Variants in KIAA1210 observed in about 807,000 individuals in gnomAD.
KIAA1210 encodes KIAA1210, also known as acrosomal protein KIAA1210.
KIAA1210 carries 48 observed loss-of-function variants against 78.9 expected under a neutral mutation model. The observed-to-expected ratio is 0.61, with a 90% CI of 0.48 to 0.77. KIAA1210 has a LOEUF of 0.77. Ranked by LOEUF, KIAA1210 falls within the 30% of genes least tolerant of loss-of-function variation. The pLI, the probability that KIAA1210 is intolerant of heterozygous loss-of-function variation, is 0.00. For missense variants in KIAA1210, 1,108 were observed against 1,100.0 expected (o/e 1.01, Z -0.10); for synonymous variants, 406 against 404.5 (o/e 1.00, Z -0.04).
chrX:119,149,835 C>T (rs1456588007), intron 1 of KIAA1210, among the ~76,000 whole-genome samples: 1 of 111,013 alleles, frequency 9.0e-6, no homozygotes, highest in Non-Finnish European at 1.9e-5. Context: ...TTCTTCTCTA[C>T]TCATCCATGT....
chrX:119,140,823 C>T (rs1929032506), intron 2 of KIAA1210, among the ~76,000 whole-genome samples: 1 of 112,208 alleles, frequency 8.9e-6, no homozygotes, highest in African/African-American at 3.2e-5. Flanking sequence ...GCCTGTAGTC[C>T]CAGCTACTGG....
chrX:119,111,236 C>T (rs1356724211), intron 3 of KIAA1210, among the ~76,000 whole-genome samples: 2 of 111,725 alleles, frequency 1.8e-5, no homozygotes. Context: ...TGGGTATCCA[C>T]ATGCAAAAGA....
chrX:119,141,318 A>T (rs1929045628), intron 2 of KIAA1210, among the ~76,000 whole-genome samples: 1 of 111,830 alleles, frequency 8.9e-6, no homozygotes, highest in Non-Finnish European at 1.9e-5. Flanking sequence ...AGAAATAAAG[A>T]CCTTGTTAAT....
intron 2 of KIAA1210, among the ~76,000 whole-genome samples, chrX:119,145,676 A>G (rs1050284770): frequency 2.7e-5 from 3 of 111,573 alleles, no homozygotes; most frequent in African/African-American, 9.8e-5. Context: ...AGGCAGTACT[A>G]TATATGCATT....
intron 2 of KIAA1210, among the ~76,000 whole-genome samples, chrX:119,141,174 T>G (rs1170307455): frequency 3.6e-5 from 4 of 111,283 alleles, no homozygotes; most frequent in Non-Finnish European, 7.5e-5. Context: ...CTTACTTCAC[T>G]CTCCATTTTC....
upstream of KIAA1210, among the ~76,000 whole-genome samples, chrX:119,150,798 C>T (rs776388964): frequency 1.1e-4 from 12 of 112,836 alleles, no homozygotes; most frequent in African/African-American, 3.8e-4. Flanking sequence ...CGCCCACCCC[C>T]GGGTCATTCC....
chrX:119,116,978 A>G (rs1045992857), intron 2 of KIAA1210, among the ~76,000 whole-genome samples: 1 of 112,268 alleles, frequency 8.9e-6, no homozygotes, highest in African/African-American at 3.2e-5. Context: ...CTATTAACAT[A>G]TACACCTCTT....
rs780842704 is a variant in KIAA1210 at position 119,089,417 on chromosome X, T to C, written c.1285A>G (p.Thr429Ala). Reference protein sequence around the residue: ...EQPTTSQPETTTPQGLLSDKD... With the variant: ...EQPTTSQPETATPQGLLSDKD... The stretch of plus-strand genomic sequence containing the variant: ...TCTGAAAGCAACCCCTGAGGGGTAG[T>C]GGTTTCTGGTTGTGAAGTTGTAGGC... The change falls in exon 9 of 12, where the codon ACT becomes GCT. Residue 429 changes from threonine (T) to alanine (A), a missense_variant. By Grantham distance (58) the Thr-to-Ala change is moderately conservative (BLOSUM62 0). Coordinates refer to ENST00000691062, the MANE Select transcript of KIAA1210 (RefSeq NM_001394962.1). The C allele has an allele frequency of 8.3e-7, 1 of 1,211,711 alleles. No homozygotes were observed. Among genetic ancestry groups the C allele is most frequent in the Non-Finnish European group, 1.1e-6 (1 of 895,345 alleles).
In KIAA1210 at chrX:119,087,958, G is replaced by C; in HGVS notation, c.2744C>G (p.Thr915Ser). Reference sequence around the variant, plus strand: ...TTGATACAGTTCCTCAAATTTAGGGGTCACCCATGGCGGGGAAGTGTATTT... The same window carrying C: ...TTGATACAGTTCCTCAAATTTAGGGCTCACCCATGGCGGGGAAGTGTATTT... ...PSKYTSPPWV[T>S]PKFEELYQLS... is the part of the protein sequence containing the mutation. The change falls in exon 9 of 12, where the codon ACC becomes AGC. Residue 915 changes from threonine to serine, a missense_variant. Physicochemically the swap from Thr to Ser is moderately conservative, Grantham distance 58 (BLOSUM62 1). Coordinates refer to ENST00000691062, the MANE Select transcript of KIAA1210 (RefSeq NM_001394962.1). The C allele has an allele frequency of 8.3e-7, 1 of 1,211,386 alleles. No individual in the cohort carries two copies. Among genetic ancestry groups the C allele is most frequent in the Non-Finnish European group, 1.1e-6 (1 of 895,207 alleles).
chrX:119,096,834 G>T, intron 6 of KIAA1210, 143 bp from the exon 7 acceptor site: 1 of 438,348 alleles, frequency 2.3e-6, no homozygotes, highest in Non-Finnish European at 3.8e-6. Context: ...CCTGTCAATG[G>T]GCTTATTCAT....
intron 10 of KIAA1210, 79 bp from the exon 11 acceptor site, chrX:119,083,199 A>G: frequency 1.4e-6 from 1 of 702,095 alleles, no homozygotes; most frequent in South Asian, 2.8e-5. Context: ...AGGACCATAG[A>G]GTGCAAGCCC....
At chrX:119,114,967 G>A (rs969771695) in intron 3 of KIAA1210, among the ~76,000 whole-genome samples, 5 of 111,761 alleles carry the variant, frequency 4.5e-5, no homozygotes, top group African/African-American at 1.3e-4. Context: ...ATGAAGGAAC[G>A]GGATTTGTCC....
intron 2 of KIAA1210, among the ~76,000 whole-genome samples, chrX:119,137,783 C>G (rs1032454726): frequency 8.9e-6 from 1 of 112,251 alleles, no homozygotes; most frequent in Non-Finnish European, 1.9e-5. Flanking sequence ...AAAACATGGG[C>G]CACCCCTGCT....
chrX:119,112,064 C>T (rs1928093877), intron 3 of KIAA1210, among the ~76,000 whole-genome samples: 1 of 111,031 alleles, frequency 9.0e-6, no homozygotes. Flanking sequence ...TGAGTGTGTT[C>T]TCATGAGAGC....
chrX:119,089,114 C>G lies in KIAA1210; in HGVS notation c.1588G>C (p.Glu530Gln), dbSNP rs1455200036. The G allele has an allele frequency of 8.3e-7, 1 of 1,211,931 alleles. No homozygotes were observed. The highest frequency in any genetic ancestry group is 2.3e-4 in the Middle Eastern group (1 of 4,355). The change falls in exon 9 of 12, where the codon GAA becomes CAA. Residue 530 changes from glutamate (E) to glutamine (Q), a missense_variant. By Grantham distance (29) the Glu-to-Gln change is conservative. Around this residue, in one of 5 missense-constraint regions of KIAA1210, gnomAD observed 672 missense variants for 607.1 expected, o/e 1.11. Coordinates refer to ENST00000691062, the MANE Select transcript of KIAA1210 (RefSeq NM_001394962.1). The part of the protein sequence containing the change: ...NPSHIQLEDQ[E>Q]AFSFDLQKAQ... Reference sequence around the variant, plus strand: ...TTTTGTAAATCAAAGCTGAAAGCTTCTTGATCTTCTAACTGGATATGAGAA... The same window carrying G: ...TTTTGTAAATCAAAGCTGAAAGCTTGTTGATCTTCTAACTGGATATGAGAA...
intron 3 of KIAA1210, among the ~76,000 whole-genome samples, chrX:119,114,705 C>T (rs940828109): frequency 2.7e-5 from 3 of 111,528 alleles, no homozygotes; most frequent in Non-Finnish European, 3.8e-5. Flanking sequence ...CCATGCTGTG[C>T]ATTAACCAAA....
chrX:119,111,340 G>A (rs1928065039), intron 3 of KIAA1210, among the ~76,000 whole-genome samples: 2 of 111,702 alleles, frequency 1.8e-5, no homozygotes, highest in South Asian at 7.6e-4. Context: ...CAATAGCAAA[G>A]ACTTGGAACC....
In KIAA1210 at chrX:119,087,903, A is replaced by C; in HGVS notation, c.2799T>G (p.Val933=). ...QLSAHPESTT[V]EEDISKEQLL... ...GCTGCTCCTTAGAAATGTCCTCTTCAACAGTAGTGCTTTCTGGATGTGCAG... is the reference window on the plus strand; with the variant it reads ...GCTGCTCCTTAGAAATGTCCTCTTCCACAGTAGTGCTTTCTGGATGTGCAG... The change falls in exon 9 of 12, where the codon GTT becomes GTG. Residue 933 remains valine, a synonymous_variant. Transcript: ENST00000691062. 1 of 1,211,922 alleles carries C rather than the reference A, an allele frequency of 8.3e-7. No homozygotes were observed. The highest frequency in any genetic ancestry group is 1.1e-6 in the Non-Finnish European group (1 of 895,500).
intron 6 of KIAA1210, among the ~76,000 whole-genome samples, chrX:119,103,336 G>T (rs1296055541): frequency 1.8e-5 from 2 of 112,049 alleles, no homozygotes; most frequent in Admixed American, 9.5e-5. Context: ...CACATGAAAA[G>T]ATACTTAACA....
Sources: gnomAD v4.1 joint callset for allele counts (sites outside exome capture counted in the v4.1 genomes callset) on GRCh38, gnomAD v4.1.1 for gene constraint, gnomAD v4.1.1 regional missense constraint, MANE v1.5 for transcripts, NCBI Gene and HGNC (gene_info 2026-07-23, HGNC 2026-07-21) for gene names.